The following GRIN2B variants were observed in gnomAD, a reference collection of about 807,000 sequenced individuals.
The protein encoded by GRIN2B is glutamate receptor ionotropic, NMDA 2B.
A neutral mutation model predicts 114.5 loss-of-function variants in GRIN2B; 5 were observed. The ratio of observed to expected loss-of-function variants is 0.04; its 90% CI spans 0.02 to 0.09. GRIN2B has a LOEUF of 0.09. Ranked by LOEUF, GRIN2B falls within the 10% of genes least tolerant of loss-of-function variation. The pLI is 1.00. For synonymous variants in GRIN2B, 787 were observed against 745.1 expected, an observed-to-expected ratio of 1.06 and a Z score of -0.92; for missense variants, 1,108 against 1,943.5, an observed-to-expected ratio of 0.57 and a Z score of 8.08.
At chr12:13,797,513 G>A (rs1477817157) in intron 3 of GRIN2B, among the ~76,000 whole-genome samples, 1 of 152,154 alleles carries the variant, frequency 6.6e-6, no homozygotes, top group Non-Finnish European at 1.5e-5. Context: ...TTATAGTTTT[G>A]AAGAATCCCT....
chr12:13,819,450 C>T (rs557573175), intron 3 of GRIN2B, among the ~76,000 whole-genome samples: 3 of 152,278 alleles, frequency 2.0e-5, no homozygotes, highest in East Asian at 1.9e-4. Context: ...GTCCAAAAAC[C>T]CTTACTAATC....
At chr12:13,805,079 C>A (rs147733440) in intron 3 of GRIN2B, among the ~76,000 whole-genome samples, 5 of 152,074 alleles carry the variant, frequency 3.3e-5, no homozygotes, top group African/African-American at 1.2e-4. Context: ...ATTTAGAAGT[C>A]AATTTATTTC....
At chr12:13,864,751 A>G (rs1222110843) in intron 3 of GRIN2B, among the ~76,000 whole-genome samples, 1 of 152,230 alleles carries the variant, frequency 6.6e-6, no homozygotes, top group East Asian at 1.9e-4. Flanking sequence ...CAATTAGCCT[A>G]ACATTAACGC....
At chr12:13,899,735 T>C (rs894863017) in intron 2 of GRIN2B, among the ~76,000 whole-genome samples, 1 of 144,118 alleles carries the variant, frequency 6.9e-6, no homozygotes, top group East Asian at 1.9e-4. Context: ...GTTGGAAACT[T>C]TTCTTATTTT....
Position 13,553,920 on chromosome 12 carries a change from TAGAAAA to T in GRIN2B, c.*8857_*8862del, listed in dbSNP as rs1369665285. On this transcript the variant is annotated 3_prime_UTR_variant, in exon 14 of 14. Transcript: ENST00000609686. Reference sequence around the variant, plus strand: ...AAACAACTTCAAAGGACAAAGCACTTAGAAAAAGGACAAAGCACTTAGAAAAATCCA... The same window carrying T: ...AAACAACTTCAAAGGACAAAGCACTTAGGACAAAGCACTTAGAAAAATCCA... 1 of 146,628 alleles carries T rather than the reference TAGAAAA, an allele frequency of 6.8e-6. No homozygotes were observed. Among genetic ancestry groups the T allele is most frequent in the Non-Finnish European group, 1.5e-5 (1 of 64,888 alleles). The allele number at this position is 146,628 out of a possible 1,614,324, so 9.1% of individuals were successfully genotyped here. A position where few individuals can be genotyped will look rare whatever the true frequency, so the allele number is the denominator to read the frequency against.
rs201956657 is a variant in GRIN2B at position 13,653,450 on chromosome 12, CTGAGAAGA to C, written c.1125+22287_1125+22294del. On this transcript the variant is annotated intron_variant, in intron 5 of 13. Coordinates refer to ENST00000609686, the MANE Select transcript of GRIN2B (RefSeq NM_000834.5). ...TCATGAAGTCTGTGTAGATGGGTCT[CTGAGAAGA>C]TGAGAAGATCAAAAACGGTACCCTG... 6.5e-3 allele frequency among the ~76,000 whole-genome samples: 969 copies of C among 149,590 alleles called. 3 individuals are homozygous for C. Among genetic ancestry groups the C allele is most frequent in the Middle Eastern group, 0.024 (7 of 292 alleles).
intron 5 of GRIN2B, among the ~76,000 whole-genome samples, chr12:13,648,070 A>G (rs1949779348): frequency 6.6e-6 from 1 of 152,084 alleles, no homozygotes; most frequent in Non-Finnish European, 1.5e-5. Flanking sequence ...ATTGGACTGT[A>G]TTATATATGG....
At chr12:13,648,981 G>A (rs1271639143) in intron 5 of GRIN2B, among the ~76,000 whole-genome samples, 1 of 152,018 alleles carries the variant, frequency 6.6e-6, no homozygotes, top group Non-Finnish European at 1.5e-5. Context: ...AATAGCCTGG[G>A]AAAAAATAGC....
chr12:13,690,709 C>T (rs1228645702), intron 4 of GRIN2B, among the ~76,000 whole-genome samples: 10 of 151,934 alleles, frequency 6.6e-5, no homozygotes, highest in African/African-American at 1.9e-4. Flanking sequence ...AATTAATGAT[C>T]GGTAGAGAAA....
At chr12:13,569,232 C>A (rs1471409576) in intron 12 of GRIN2B, among the ~76,000 whole-genome samples, 4 of 152,110 alleles carry the variant, frequency 2.6e-5, no homozygotes, top group Non-Finnish European at 4.4e-5. Context: ...GTTATAGAAT[C>A]CCCCTAAAAT....
At chr12:13,955,428 G>A (rs149669771) in intron 2 of GRIN2B, among the ~76,000 whole-genome samples, 1,523 of 152,274 alleles carry the variant, frequency 0.01, 9 homozygotes, top group South Asian at 0.021. Context: ...CTCACCACAC[G>A]TCTGCAGCAG....
chr12:13,608,920 C>T, intron 9 of GRIN2B, 88 bp from the exon 10 acceptor site: 1 of 944,846 alleles, frequency 1.1e-6, no homozygotes, highest in Non-Finnish European at 1.7e-6. Flanking sequence ...AGTCCCTGCT[C>T]AGAGCAGGAA....
At chr12:13,937,129 G>T (rs1867144177) in intron 2 of GRIN2B, among the ~76,000 whole-genome samples, 1 of 147,944 alleles carries the variant, frequency 6.8e-6, no homozygotes, top group Non-Finnish European at 1.5e-5. Flanking sequence ...AAATGAAAGA[G>T]CTGCATGTTA....
intron 2 of GRIN2B, among the ~76,000 whole-genome samples, chr12:13,923,425 T>C (rs753170545): frequency 6.6e-5 from 10 of 152,212 alleles, no homozygotes; most frequent in Non-Finnish European, 1.3e-4. Context: ...GAAATTGCAA[T>C]GAGATGAGGC....
At chr12:13,847,653 G>A (rs148507196) in intron 3 of GRIN2B, among the ~76,000 whole-genome samples, 58 of 152,108 alleles carry the variant, frequency 3.8e-4, no homozygotes, top group African/African-American at 1.4e-3. Context: ...AGAGAGACAC[G>A]AACCAGAGAT....
intron 2 of GRIN2B, among the ~76,000 whole-genome samples, chr12:13,961,360 G>A (rs988627625): frequency 6.6e-6 from 1 of 152,036 alleles, no homozygotes; most frequent in Non-Finnish European, 1.5e-5. Flanking sequence ...TTATGGGAGG[G>A]GTGAGAGAGA....
chr12:13,657,779 GTAGA>G (rs1248779273), intron 5 of GRIN2B, among the ~76,000 whole-genome samples: 2 of 152,162 alleles, frequency 1.3e-5, no homozygotes, highest in Non-Finnish European at 2.9e-5. Flanking sequence ...TATTTTAATA[GTAGA>G]TAAATGGTTA....
At chr12:13,685,220 C>G (rs1173615744) in intron 4 of GRIN2B, among the ~76,000 whole-genome samples, 1 of 152,176 alleles carries the variant, frequency 6.6e-6, no homozygotes, top group Non-Finnish European at 1.5e-5. Context: ...GGGTGGTCAA[C>G]AAAATCAACA....
chr12:13,834,198 T>A lies in GRIN2B; in HGVS notation c.411+31600A>T, dbSNP rs1048633212. Among the ~76,000 whole-genome samples the A allele has an allele frequency of 1.2e-3, 96 of 82,276 alleles. 1 individual carries two copies. Among genetic ancestry groups the A allele is most frequent in the African/African-American group, 4.4e-3 (94 of 21,254 alleles). The allele number at this position is 82,276 out of a possible 152,430, so 54.0% of individuals were successfully genotyped here. On this transcript the variant is annotated intron_variant, in intron 3 of 13. Coordinates refer to ENST00000609686, the MANE Select transcript of GRIN2B (RefSeq NM_000834.5). ...GGTGCCCACCACCACGCCTGGCTAA[T>A]TTTTTTTTTTTTTTTTTTTTAGTAG...
Sources: gnomAD v4.1 joint callset for allele counts (sites outside exome capture counted in the v4.1 genomes callset) on GRCh38, gnomAD v4.1.1 for gene constraint, MANE v1.5 for transcripts, NCBI Gene and HGNC (gene_info 2026-07-23, HGNC 2026-07-21) for gene names.